The following ARHGAP6 variants were observed in gnomAD, a reference collection of about 807,000 sequenced individuals.
ARHGAP6 encodes Rho GTPase activating protein 6, also known as rho GTPase-activating protein 6.
A neutral mutation model predicts 55.7 loss-of-function variants in ARHGAP6; 16 were observed. That is an observed-to-expected ratio of 0.29 (90% CI 0.19 to 0.44). The LOEUF (loss-of-function observed/expected upper bound fraction) is 0.44, where lower values mean the gene tolerates loss of function less well. Ranked by LOEUF, ARHGAP6 falls within the 20% of genes least tolerant of loss-of-function variation. The pLI is 1.00. For synonymous variants in ARHGAP6, 382 were observed against 360.9 expected (o/e 1.06, Z -0.66); for missense variants, 698 against 808.9 (o/e 0.86, Z 1.66).
At position 11,188,715 on chromosome X, in the gene ARHGAP6, C is replaced by T; in HGVS notation, c.1077+13G>A. 1 of 1,204,947 alleles carries T rather than the reference C, an allele frequency of 8.3e-7. No homozygotes were observed. Among genetic ancestry groups the T allele is most frequent in the South Asian group, 1.8e-5 (1 of 55,450 alleles). ...CCTAGCACTGGTGTCAGAGCAAATACTGGCCACCTCACCCTCCTCCTAGCC... is the reference window on the plus strand; with the variant it reads ...CCTAGCACTGGTGTCAGAGCAAATATTGGCCACCTCACCCTCCTCCTAGCC... On this transcript the variant is annotated intron_variant, in intron 4 of 12. Transcript: ENST00000337414.
intron 1 of ARHGAP6, among the ~76,000 whole-genome samples, chrX:11,484,569 G>A (rs1603228295): frequency 9.3e-6 from 1 of 107,411 alleles, no homozygotes; most frequent in African/African-American, 3.4e-5. Flanking sequence ...GGAAAAAGAG[G>A]AGAAAGGAGA....
chrX:11,494,278 A>T (rs59083437), intron 1 of ARHGAP6, among the ~76,000 whole-genome samples: 2 of 111,650 alleles, frequency 1.8e-5, no homozygotes, highest in Non-Finnish European at 3.8e-5. Flanking sequence ...ATTCCTTCTA[A>T]TATGTTTTCT....
intron 1 of ARHGAP6, among the ~76,000 whole-genome samples, chrX:11,395,633 C>A (rs908440969): frequency 8.9e-6 from 1 of 112,118 alleles, no homozygotes; most frequent in Non-Finnish European, 1.9e-5. Flanking sequence ...TAGGTACTAC[C>A]GGCAGTGAAA....
At chrX:11,143,800 CA>C in intron 11 of ARHGAP6, 179 bp downstream of exon 11, 1 of 1,152,826 alleles carries the variant, frequency 8.7e-7, no homozygotes, top group African/African-American at 1.8e-5. Context: ...CTGGGCTCGC[CA>C]TACCTTCCTC....
chrX:11,370,739 G>A (rs1294657589), intron 1 of ARHGAP6, among the ~76,000 whole-genome samples: 4 of 111,460 alleles, frequency 3.6e-5, no homozygotes, highest in African/African-American at 1.3e-4. Flanking sequence ...ATGGCATGAA[G>A]AACATAATAA....
intron 1 of ARHGAP6, among the ~76,000 whole-genome samples, chrX:11,331,388 G>A (rs977370150): frequency 9.0e-6 from 1 of 111,570 alleles, no homozygotes; most frequent in African/African-American, 3.3e-5. Context: ...CATAAAAATG[G>A]ACAACTGTCC....
intron 1 of ARHGAP6, among the ~76,000 whole-genome samples, chrX:11,596,539 T>C (rs2051906267): frequency 9.0e-6 from 1 of 111,345 alleles, no homozygotes; most frequent in African/African-American, 3.3e-5. Context: ...AAACTGCACG[T>C]TCTGCACATG....
At chrX:11,660,568 A>C (rs1392706038) in intron 1 of ARHGAP6, among the ~76,000 whole-genome samples, 7 of 91,216 alleles carry the variant, frequency 7.7e-5, no homozygotes, top group East Asian at 3.3e-4. Context: ...AAAAAAAAAA[A>C]AAAAAAAAAA....
intron 2 of ARHGAP6, among the ~76,000 whole-genome samples, chrX:11,213,203 C>G (rs780498810): frequency 1.8e-5 from 2 of 113,144 alleles, no homozygotes; most frequent in Non-Finnish European, 3.7e-5. Context: ...CCTTTGGGTG[C>G]AATGGCCATC....
intron 1 of ARHGAP6, among the ~76,000 whole-genome samples, chrX:11,474,529 G>A (rs1016266232): frequency 1.3e-4 from 15 of 112,332 alleles, no homozygotes; most frequent in Non-Finnish European, 2.4e-4. Flanking sequence ...GGGACAAGAA[G>A]CCCTTTTTCT....
intron 1 of ARHGAP6, among the ~76,000 whole-genome samples, chrX:11,539,312 A>G (rs1287939038): frequency 3.6e-5 from 4 of 112,444 alleles, no homozygotes; most frequent in African/African-American, 6.5e-5. Context: ...CTAACAATTT[A>G]TCATTCAACT....
chrX:11,617,197 T>TA (rs1416506357), intron 1 of ARHGAP6, among the ~76,000 whole-genome samples: 1 of 112,302 alleles, frequency 8.9e-6, no homozygotes, highest in Non-Finnish European at 1.9e-5. Flanking sequence ...CATGTTGATA[T>TA]AATATTTTGG....
At chrX:11,241,868 T>G (rs2047287143) in intron 2 of ARHGAP6, among the ~76,000 whole-genome samples, 1 of 111,582 alleles carries the variant, frequency 9.0e-6, no homozygotes, top group Admixed American at 9.5e-5. Context: ...ATGGTATTCT[T>G]AAGCAATAGC....
chrX:11,583,471 G>A (rs747871315), intron 1 of ARHGAP6, among the ~76,000 whole-genome samples: 147 of 112,257 alleles, frequency 1.3e-3, no homozygotes, highest in Non-Finnish European at 2.5e-3. Context: ...TCTCTGTTAC[G>A]ATCAAATCCT....
intron 1 of ARHGAP6, among the ~76,000 whole-genome samples, chrX:11,637,479 C>T (rs1437679218): frequency 2.7e-5 from 3 of 111,471 alleles, no homozygotes; most frequent in African/African-American, 9.8e-5. Context: ...ATTTTCATTC[C>T]TCCTGTATTA....
At chrX:11,522,943 T>C (rs888855837) in intron 1 of ARHGAP6, among the ~76,000 whole-genome samples, 39 of 111,381 alleles carry the variant, frequency 3.5e-4, no homozygotes, top group African/African-American at 1.3e-3. Context: ...AAACAGAATT[T>C]TAGACCAATA....
chrX:11,481,928 TAA>T (rs1386285198), intron 1 of ARHGAP6, among the ~76,000 whole-genome samples: 4 of 112,168 alleles, frequency 3.6e-5, no homozygotes, highest in Non-Finnish European at 3.8e-5. Context: ...TCACTAAGAA[TAA>T]GAGTCACACT....
chrX:11,415,905 C>G (rs2049741175), intron 1 of ARHGAP6, among the ~76,000 whole-genome samples: 2 of 111,719 alleles, frequency 1.8e-5, no homozygotes, highest in African/African-American at 6.5e-5. Context: ...ACCCACAGAT[C>G]CACTAGGATC....
At chrX:11,407,158 C>T (rs2049620253) in intron 1 of ARHGAP6, among the ~76,000 whole-genome samples, 1 of 111,201 alleles carries the variant, frequency 9.0e-6, no homozygotes. Context: ...TTTTATCCCA[C>T]CCCCAGCCCT....
Sources: gnomAD v4.1 joint callset for allele counts (sites outside exome capture counted in the v4.1 genomes callset) on GRCh38, gnomAD v4.1.1 for gene constraint, MANE v1.5 for transcripts, NCBI Gene and HGNC (gene_info 2026-07-23, HGNC 2026-07-21) for gene names.